The following POU2F2 variants were observed in gnomAD, a reference collection of about 807,000 sequenced individuals.
The protein encoded by POU2F2 is POU class 2 homeobox 2.
A neutral mutation model predicts 63.5 loss-of-function variants in POU2F2; 14 were observed. The ratio of observed to expected loss-of-function variants is 0.22; its 90% CI spans 0.15 to 0.34. POU2F2 has a LOEUF of 0.34. Ranked by LOEUF, POU2F2 falls within the 10% of genes least tolerant of loss-of-function variation. The pLI is 1.00. For synonymous variants in POU2F2, 306 were observed against 348.6 expected (o/e 0.88, Z 1.36); for missense variants, 607 against 815.2 (o/e 0.74, Z 3.11).
intron 5 of POU2F2, among the ~76,000 whole-genome samples, chr19:42,107,027 C>CA (rs2030194745): frequency 6.6e-6 from 1 of 151,410 alleles, no homozygotes; most frequent in Admixed American, 6.6e-5. Context: ...CACCCGTCTC[C>CA]AAAAAACAAA....
rs775709527 is a variant in POU2F2 at position 42,096,166 on chromosome 19, G to T, written c.645C>A (p.His215Gln). The T allele has an allele frequency of 2.2e-5, 35 of 1,613,556 alleles. No homozygotes were observed. Among genetic ancestry groups the T allele is most frequent in the Middle Eastern group, 1.6e-4 (1 of 6,078 alleles). ...CCTCCAGATCACTGGGCTCCTCGGG[G>T]TGGGATGGTGGCTCCAAGCATTTGG... is the stretch of plus-strand genomic sequence containing the variant. ...QPPKCLEPPS[H>Q]PEEPSDLEEL... is the part of the protein sequence containing the mutation. Residue 215 changes from histidine to glutamine, a missense_variant, in exon 8 of 15, where the codon CAC becomes CAA. By Grantham distance (24) the His-to-Gln change is conservative. Around this residue, in one of 7 missense-constraint regions of POU2F2, gnomAD observed 25 missense variants for 92.3 expected, o/e 0.27. Coordinates refer to ENST00000692977, the MANE Select transcript of POU2F2 (RefSeq NM_001394376.1). The surrounding 1 kb of genome is among the most constrained non-coding windows in gnomAD (Gnocchi z 4.1).
At position 42,091,356 on chromosome 19, in the gene POU2F2, G is replaced by A; in HGVS notation, c.1776C>T (p.Ser592=). 2 of 1,537,976 alleles carry A rather than the reference G, an allele frequency of 1.3e-6. No individual in the cohort carries two copies. The highest frequency in any genetic ancestry group is 1.2e-5 in the South Asian group (1 of 84,018). Reference sequence around the variant, plus strand: ...AGGAGGAGGAGGATGAGGATGAAGAGGATGAGGAGGAGAGGCCAGGAGACT... The same window carrying A: ...AGGAGGAGGAGGATGAGGATGAAGAAGATGAGGAGGAGAGGCCAGGAGACT... ...SSKSPGLSSS[S]SSSSSSSSST... The change falls in exon 15 of 15, where the codon TCC becomes TCT. Residue 592 remains serine, a synonymous_variant. Coordinates refer to ENST00000692977, the MANE Select transcript of POU2F2 (RefSeq NM_001394376.1).
chr19:42,097,488 G>A (rs994647817), intron 7 of POU2F2, among the ~76,000 whole-genome samples: 13 of 148,778 alleles, frequency 8.7e-5, no homozygotes, highest in African/African-American at 3.2e-4. Flanking sequence ...TGACCACTGC[G>A]CCCTGCCTTT....
At chr19:42,149,415 C>T (rs2034296774) in intron 2 of POU2F2, among the ~76,000 whole-genome samples, 2 of 152,076 alleles carry the variant, frequency 1.3e-5, no homozygotes, top group South Asian at 2.1e-4. Context: ...GGGAGATGAA[C>T]CAAGAGAGAT....
At chr19:42,145,296 CCT>C (rs1185938714) in intron 2 of POU2F2, among the ~76,000 whole-genome samples, 1 of 152,138 alleles carries the variant, frequency 6.6e-6, no homozygotes, top group African/African-American at 2.4e-5. Flanking sequence ...GCTGCCTTGG[CCT>C]CTCTCAGCCT....
At chr19:42,120,111 A>G (rs922728801) in intron 4 of POU2F2, among the ~76,000 whole-genome samples, 2 of 151,684 alleles carry the variant, frequency 1.3e-5, no homozygotes, top group Admixed American at 1.3e-4. Flanking sequence ...GGGTCTCACT[A>G]TGTTGCCCAG....
intron 5 of POU2F2, among the ~76,000 whole-genome samples, chr19:42,113,143 A>C (rs1230884312): frequency 6.6e-6 from 1 of 152,124 alleles, no homozygotes; most frequent in Admixed American, 6.5e-5. Flanking sequence ...AGATTTTGTC[A>C]AGCTTTATTT....
At chr19:42,147,801 C>T (rs2034261767) in intron 2 of POU2F2, among the ~76,000 whole-genome samples, 1 of 152,156 alleles carries the variant, frequency 6.6e-6, no homozygotes. Context: ...AGCTTAAAGA[C>T]CTGGAACCTA....
In POU2F2 at chr19:42,117,071, G is replaced by A. The variant is rs540629814; in HGVS notation, c.369+179C>T. ...TGAAGAGGAGCAGAGAAGGCAGAGA[G>A]GGGTTAGTGCCTAAGCCAAGCAAGT... is the stretch of plus-strand genomic sequence containing the variant. On this transcript the variant is annotated intron_variant, in intron 5 of 14. Transcript: ENST00000692977. The surrounding 1 kb of genome is among the most constrained non-coding windows in gnomAD (Gnocchi z 4.4). 6.0e-6 allele frequency: 4 copies of A among 671,528 alleles called. No homozygotes were observed. Among genetic ancestry groups the A allele is most frequent in the African/African-American group, 3.7e-5 (2 of 54,784 alleles). 41.6% of individuals were successfully genotyped at this position (671,528 alleles called of 1,614,324 possible).
At chr19:42,192,248 T>TGC (rs1391529215) in intron 1 of POU2F2, among the ~76,000 whole-genome samples, 4 of 152,114 alleles carry the variant, frequency 2.6e-5, no homozygotes, top group Admixed American at 2.6e-4. Context: ...TATGAGCAGG[T>TGC]GCTAGTCTTC....
chr19:42,131,105 C>T (rs1440936857), intron 1 of POU2F2, among the ~76,000 whole-genome samples: 1 of 141,862 alleles, frequency 7.0e-6, no homozygotes, highest in African/African-American at 2.7e-5. Flanking sequence ...CACCCCAGCC[C>T]TGACCCTTCT....
chr19:42,193,405 T>C (rs1447541535), intron 1 of POU2F2, among the ~76,000 whole-genome samples: 4 of 152,062 alleles, frequency 2.6e-5, no homozygotes, highest in African/African-American at 4.8e-5. Flanking sequence ...TATACCCTTC[T>C]AAGAGGGAGG....
chr19:42,096,050 C>G lies in POU2F2; in HGVS notation c.729+32G>C. On this transcript the variant is annotated intron_variant, in intron 8 of 14. Transcript: ENST00000692977. This position sits in a 1 kb window ranked among gnomAD's most constrained non-coding sequence, Gnocchi z 4.1. ...TCTATCAACTGGCCACGCCCCCACGCCCACCGCCCAGCCTGCAAGGTGCCT... is the reference window on the plus strand; with the variant it reads ...TCTATCAACTGGCCACGCCCCCACGGCCACCGCCCAGCCTGCAAGGTGCCT... 1 of 1,611,122 alleles carries G rather than the reference C, an allele frequency of 6.2e-7. No homozygotes were observed. Among genetic ancestry groups the G allele is most frequent in the Non-Finnish European group, 8.5e-7 (1 of 1,178,672 alleles).
At chr19:42,118,586 T>C (rs1017200197) in intron 4 of POU2F2, among the ~76,000 whole-genome samples, 12 of 152,222 alleles carry the variant, frequency 7.9e-5, no homozygotes, top group African/African-American at 2.7e-4. Flanking sequence ...CCTCTCCATG[T>C]CTTTCTGAAT....
In POU2F2 at chr19:42,096,022, G is replaced by A. The variant is rs929325270; in HGVS notation, c.729+60C>T. 1,377 of 1,609,550 alleles carry A rather than the reference G, an allele frequency of 8.6e-4. 2 individuals are homozygous for A. The highest frequency in any genetic ancestry group is 1.1e-3 in the Non-Finnish European group (1,303 of 1,177,870). Reference sequence around the variant, plus strand: ...CCGCCCACTGGCCACGCCCCTCGCGGCATCTATCAACTGGCCACGCCCCCA... The same window carrying A: ...CCGCCCACTGGCCACGCCCCTCGCGACATCTATCAACTGGCCACGCCCCCA... On this transcript the variant is annotated intron_variant, in intron 8 of 14. Transcript: ENST00000692977. The surrounding 1 kb of genome is among the most constrained non-coding windows in gnomAD (Gnocchi z 4.1).
At position 42,117,011 on chromosome 19, in the gene POU2F2, G is replaced by T; in HGVS notation, c.369+239C>A. 1 of 628,468 alleles carries T rather than the reference G, an allele frequency of 1.6e-6. No individual in the cohort carries two copies. Among genetic ancestry groups the T allele is most frequent in the Non-Finnish European group, 2.9e-6 (1 of 347,268 alleles). The allele number at this position is 628,468 out of a possible 1,614,324, so 38.9% of individuals were successfully genotyped here. On this transcript the variant is annotated intron_variant, in intron 5 of 14. Transcript: ENST00000692977. The surrounding 1 kb of genome is among the most constrained non-coding windows in gnomAD (Gnocchi z 4.4). ...GCTGGCATCAGTGCCGTGAGCTGCGGGGTGTCGGGGACAGCAGGAATTGGA... is the reference window on the plus strand; with the variant it reads ...GCTGGCATCAGTGCCGTGAGCTGCGTGGTGTCGGGGACAGCAGGAATTGGA...
At chr19:42,195,738 C>T (rs569966220) in intron 1 of POU2F2, among the ~76,000 whole-genome samples, 56 of 148,482 alleles carry the variant, frequency 3.8e-4, no homozygotes, top group Non-Finnish European at 8.1e-4. Flanking sequence ...CCCTCCCTCC[C>T]TTCCTCCCTT....
At chr19:42,122,064 G>C (rs568151961) in intron 4 of POU2F2, 62 bp downstream of exon 4, 338 of 1,502,862 alleles carry the variant, frequency 2.2e-4, no homozygotes, top group South Asian at 2.1e-3. Context: ...ACTGAGGCAG[G>C]CCTCCTGAGG....
upstream of POU2F2, among the ~76,000 whole-genome samples, chr19:42,134,051 A>C (rs1481047026): frequency 6.6e-6 from 1 of 152,184 alleles, no homozygotes; most frequent in Non-Finnish European, 1.5e-5. Flanking sequence ...TCCACAGACC[A>C]CACAGCAACT....
Sources: gnomAD v4.1 joint callset for allele counts (sites outside exome capture counted in the v4.1 genomes callset) on GRCh38, gnomAD v4.1.1 for gene constraint, gnomAD v4.1.1 regional missense constraint, Gnocchi (gnomAD v3.1) non-coding constraint, MANE v1.5 for transcripts, NCBI Gene and HGNC (gene_info 2026-07-23, HGNC 2026-07-21) for gene names.